The following RANBP17 variants were observed in gnomAD, a reference collection of about 807,000 sequenced individuals.
RANBP17 encodes RAN binding protein 17.
In RANBP17, 158 loss-of-function variants were observed where a neutral mutation model predicts 141.2. That is an observed-to-expected ratio of 1.12 (90% CI 0.98 to 1.28). The LOEUF (loss-of-function observed/expected upper bound fraction) is 1.28. Ranked by LOEUF, RANBP17 falls within the 50% of genes most tolerant of loss-of-function variation. The probability of loss-of-function intolerance (pLI) is 0.00; values close to 1 mark genes in which losing one functional copy is unlikely to be tolerated. For synonymous variants in RANBP17, 430 were observed against 450.0 expected (o/e 0.96, Z 0.56); for missense variants, 1,438 against 1,290.7 (o/e 1.11, Z -1.75).
intron 14 of RANBP17, among the ~76,000 whole-genome samples, chr5:171,017,404 C>T (rs189491413): frequency 2.6e-5 from 4 of 152,280 alleles, no homozygotes; most frequent in Admixed American, 6.5e-5. Flanking sequence ...TCCACACCCT[C>T]GCCAGCATCT....
At chr5:170,987,995 G>A (rs993748516) in intron 14 of RANBP17, among the ~76,000 whole-genome samples, 12 of 151,234 alleles carry the variant, frequency 7.9e-5, no homozygotes, top group Admixed American at 2.6e-4. Flanking sequence ...ATTTTGTTAT[G>A]TAATTATATA....
intron 4 of RANBP17, among the ~76,000 whole-genome samples, chr5:170,894,486 T>TTA (rs3080623): frequency 0.042 from 5,640 of 133,256 alleles, 414 homozygotes; most frequent in African/African-American, 0.13. Context: ...TACGTGTTTT[T>TTA]TATATATATA....
At chr5:170,964,879 A>G (rs995447961) in intron 13 of RANBP17, among the ~76,000 whole-genome samples, 16 of 151,984 alleles carry the variant, frequency 1.1e-4, no homozygotes, top group African/African-American at 2.9e-4. Context: ...TGTCTTTATA[A>G]CAGCATGATT....
chr5:171,017,672 A>G (rs1465798336), intron 14 of RANBP17, among the ~76,000 whole-genome samples: 1 of 152,238 alleles, frequency 6.6e-6, no homozygotes, highest in East Asian at 1.9e-4. Context: ...TTAGATGGAT[A>G]GAACACAAAA....
chr5:170,934,289 T>C (rs1773668396), intron 12 of RANBP17, among the ~76,000 whole-genome samples: 1 of 152,230 alleles, frequency 6.6e-6, no homozygotes, highest in East Asian at 1.9e-4. Flanking sequence ...CATCCCTTTA[T>C]TTTGAGCCTA....
intron 14 of RANBP17, among the ~76,000 whole-genome samples, chr5:170,981,338 A>G (rs565931752): frequency 1.3e-4 from 20 of 152,138 alleles, no homozygotes; most frequent in Admixed American, 7.2e-4. Context: ...ATATAAGGAC[A>G]TGAGATTTGG....
chr5:171,217,052 A>C lies in RANBP17; in HGVS notation c.2339+3314A>C, dbSNP rs1763265925. Among the ~76,000 whole-genome samples the C allele has an allele frequency of 2.0e-5, 3 of 152,162 alleles. No homozygotes were observed. In the South Asian group the frequency reaches 6.2e-4, roughly 32 times the overall value. ...GTATGATATTGGCTGTGGGTTTGTC[A>C]TTAATAGCTCTTATTATTTTGAGAT... On this transcript the variant is annotated intron_variant, in intron 21 of 27. Transcript: ENST00000523189.
At chr5:171,214,592 C>A (rs1422929247) in intron 21 of RANBP17, among the ~76,000 whole-genome samples, 1 of 151,906 alleles carries the variant, frequency 6.6e-6, no homozygotes, top group African/African-American at 2.4e-5. Flanking sequence ...TTTTTCACAG[C>A]AATAATTTAA....
Position 171,286,587 on chromosome 5 carries a change from C to T in RANBP17, c.2944-7296C>T, listed in dbSNP as rs376467411. Among the ~76,000 whole-genome samples, 321 of 152,066 alleles carry T rather than the reference C, an allele frequency of 2.1e-3. 2 individuals carry two copies. The highest frequency in any genetic ancestry group is 7.5e-3 in the African/African-American group (311 of 41,472). Reference sequence around the variant, plus strand: ...TATAACTAATTATATGCTTATTTATCCATTATGTTCATTTTTCATAGCATT... The same window carrying T: ...TATAACTAATTATATGCTTATTTATTCATTATGTTCATTTTTCATAGCATT... On this transcript the variant is annotated intron_variant, in intron 25 of 27. Transcript: ENST00000523189.
Position 171,277,659 on chromosome 5 carries a change from ATATATATATT to A in RANBP17, c.2943+11816_2943+11825del, listed in dbSNP as rs527586717. On this transcript the variant is annotated intron_variant, in intron 25 of 27. Coordinates refer to ENST00000523189, the MANE Select transcript of RANBP17 (RefSeq NM_022897.5). ...TATGTATATATATATATATATATAT[ATATATATATT>A]TATGTCTTACAGCTCTGTGAGGTAG... 2.4e-3 allele frequency among the ~76,000 whole-genome samples: 327 copies of A among 134,052 alleles called. 11 individuals are homozygous for A. Among genetic ancestry groups the A allele is most frequent in the African/African-American group, 7.7e-3 (282 of 36,532 alleles). 87.9% of individuals were successfully genotyped at this position (134,052 alleles called of 152,430 possible). A position where few individuals can be genotyped will look rare whatever the true frequency, so the allele number is the denominator to read the frequency against.
chr5:170,906,278 C>A lies in RANBP17; in HGVS notation c.490-3383C>A, dbSNP rs547650708. Among the ~76,000 whole-genome samples the A allele has an allele frequency of 7.5e-4, 114 of 152,134 alleles. 1 individual carries two copies. Among genetic ancestry groups the A allele is most frequent in the Non-Finnish European group, 1.2e-3 (79 of 67,892 alleles). On this transcript the variant is annotated intron_variant, in intron 5 of 27. Coordinates refer to ENST00000523189, the MANE Select transcript of RANBP17 (RefSeq NM_022897.5). ...TTATGTTTTATTAGTTTCCTTCAAT[C>A]TGGAGAAAAATTTCTCAATCTTTTT...
chr5:171,231,954 CAT>C (rs1041261338), intron 22 of RANBP17, among the ~76,000 whole-genome samples: 10 of 152,136 alleles, frequency 6.6e-5, no homozygotes, highest in Admixed American at 2.6e-4. Context: ...CTTGAAATAA[CAT>C]AGAAGGATAT....
intron 14 of RANBP17, among the ~76,000 whole-genome samples, chr5:171,135,689 A>G (rs1278618853): frequency 6.6e-6 from 1 of 152,226 alleles, no homozygotes; most frequent in Non-Finnish European, 1.5e-5. Flanking sequence ...ATAATTATAA[A>G]AATAGAGTAA....
chr5:170,955,894 CT>C lies in RANBP17; in HGVS notation c.1574+2194del, dbSNP rs569417982. On this transcript the variant is annotated intron_variant, in intron 13 of 27. Transcript: ENST00000523189. ...TGAAAATGTTTTCTCTGTATTTTTA[CT>C]TCAGAAATTTCTTCTTTACTGGCTT... Among the ~76,000 whole-genome samples, 24 of 148,062 alleles carry C rather than the reference CT, an allele frequency of 1.6e-4. 1 individual carries two copies. The South Asian group carries it at 4.9e-3, about 30-fold the overall frequency.
chr5:171,255,116 C>A (rs1376274140), intron 24 of RANBP17, among the ~76,000 whole-genome samples: 2 of 152,052 alleles, frequency 1.3e-5, no homozygotes, highest in Non-Finnish European at 2.9e-5. Context: ...CTTACCCTGG[C>A]TAGAGATGTT....
chr5:171,026,576 A>G (rs1781248151), intron 14 of RANBP17, among the ~76,000 whole-genome samples: 1 of 152,206 alleles, frequency 6.6e-6, no homozygotes, highest in Admixed American at 6.5e-5. Context: ...TTAATAATTT[A>G]TATTCACACA....
intron 16 of RANBP17, among the ~76,000 whole-genome samples, chr5:171,177,074 A>G (rs1030139897): frequency 1.3e-5 from 2 of 152,180 alleles, no homozygotes; most frequent in African/African-American, 2.4e-5. Flanking sequence ...GTTTGTGAGA[A>G]TGTTAAATAA....
At chr5:171,225,540 G>GA (rs1413819429) in intron 22 of RANBP17, among the ~76,000 whole-genome samples, 1 of 152,146 alleles carries the variant, frequency 6.6e-6, no homozygotes, top group Non-Finnish European at 1.5e-5. Flanking sequence ...GAAGATGAGG[G>GA]AAAGAGTGAC....
At chr5:171,184,808 C>T (rs1761123085) in intron 18 of RANBP17, among the ~76,000 whole-genome samples, 2 of 152,118 alleles carry the variant, frequency 1.3e-5, no homozygotes, top group Non-Finnish European at 2.9e-5. Context: ...ACTTACTGTA[C>T]TGTAGTCTAT....
Sources: allele counts gnomAD v4.1 joint callset (sites outside exome capture counted in the v4.1 genomes callset), GRCh38; gene constraint gnomAD v4.1.1; transcripts MANE v1.5; gene names NCBI Gene and HGNC (gene_info 2026-07-23, HGNC 2026-07-21).